The following MCAT variants were observed in gnomAD, a reference collection of about 807,000 sequenced individuals.
MCAT encodes the protein malonyl-CoA-acyl carrier protein transacylase, mitochondrial.
MCAT carries 22 observed loss-of-function variants against 22.9 expected under a neutral mutation model. That is an observed-to-expected ratio of 0.96 (90% CI 0.69 to 1.37). MCAT has a LOEUF of 1.37. Among genes scored for constraint, MCAT ranks in the 40% most tolerant of loss-of-function variants. MCAT has a pLI of 0.00. For missense variants in MCAT, 534 were observed against 533.6 expected (o/e 1.00, Z -0.01); for synonymous variants, 240 against 233.9 (o/e 1.03, Z -0.24).
At position 43,140,504 on chromosome 22, in the gene MCAT, A is replaced by G. The variant is rs137931580; in HGVS notation, c.511+658T>C. ...GCTGGGACTACAGGCGCACACCAAC[A>G]TGCCTGGCTAATTTTTGTATTTTCG... On this transcript the variant is annotated intron_variant, in intron 2 of 3. Coordinates refer to ENST00000290429, the MANE Select transcript of MCAT (RefSeq NM_173467.5). Among the ~76,000 whole-genome samples the G allele has an allele frequency of 2.8e-3, 427 of 152,268 alleles. 5 individuals are homozygous for G. Among genetic ancestry groups the G allele is most frequent in the Non-Finnish European group, 5.0e-3 (340 of 68,014 alleles).
Position 43,133,253 on chromosome 22 carries a change from G to A in MCAT, c.963C>T (p.Val321=), listed in dbSNP as rs749064237. 6.2e-7 allele frequency: 1 copy of A among 1,614,198 alleles called. No individual in the cohort carries two copies. Among genetic ancestry groups the A allele is most frequent in the Admixed American group, 1.7e-5 (1 of 60,026 alleles). ...HIHKLLAQQL[V]SPVKWEQTMH... ...TCGTCTGCTCCCACTTCACTGGGGA[G>A]ACCAGCTGCTGGGCCAGCAGCTTGT... is the stretch of plus-strand genomic sequence containing the variant. The change falls in exon 4 of 4, where the codon GTC becomes GTT. Residue 321 remains valine, a synonymous_variant. Coordinates refer to ENST00000290429, the MANE Select transcript of MCAT (RefSeq NM_173467.5).
chr22:43,141,159 T>C lies in MCAT; in HGVS notation c.511+3A>G. On this transcript the variant is annotated splice_donor_region_variant and intron_variant, in intron 2 of 3. Transcript: ENST00000290429. ...TTGCATAAAACCAAACTCCTTCCTG[T>C]ACCTTCAGCAAATTCCATGGCTCCG... The C allele has an allele frequency of 6.2e-7, 1 of 1,613,984 alleles. No homozygotes were observed. The highest frequency in any genetic ancestry group is 2.2e-5 in the East Asian group (1 of 44,884).
At position 43,133,140 on chromosome 22, in the gene MCAT, T is replaced by C. The variant is rs1383782085; in HGVS notation, c.1076A>G (p.Lys359Arg). The C allele has an allele frequency of 1.2e-6, 2 of 1,613,564 alleles. No homozygotes were observed. The highest frequency in any genetic ancestry group is 1.7e-6 in the Non-Finnish European group (2 of 1,179,618). The change falls in exon 4 of 4, where the codon AAG becomes AGG. Residue 359 changes from lysine (K) to arginine (R), a missense_variant. Physicochemically the swap from Lys to Arg is conservative, Grantham distance 26. Coordinates refer to ENST00000290429, the MANE Select transcript of MCAT (RefSeq NM_173467.5). ...CTTCCAGGCCTGCATGTTACAGCTC[T>C]TCAGGATGGCTCCCAGCTGCCTGCC... The part of the protein sequence containing the change: ...GPGRQLGAIL[K>R]SCNMQAWKSY...
intron 3 of MCAT, 106 bp downstream of exon 3, chr22:43,136,975 C>T (rs924440186): frequency 1.3e-5 from 12 of 939,218 alleles, no homozygotes; most frequent in Admixed American, 1.9e-5. Context: ...TCCTAAAGAC[C>T]GGGCTGGACC....
Position 43,143,260 on chromosome 22 carries a change from G to A in MCAT, c.89C>T (p.Pro30Leu), listed in dbSNP as rs1365584648. 2.1e-6 allele frequency: 3 copies of A among 1,447,504 alleles called. No homozygotes were observed. Among genetic ancestry groups the A allele is most frequent in the Admixed American group, 5.7e-5 (2 of 35,356 alleles). 89.7% of individuals were successfully genotyped at this position (1,447,504 alleles called of 1,614,324 possible). Residue 30 changes from proline to leucine, a missense_variant, in exon 1 of 4, where the codon CCG becomes CTG. Transcript: ENST00000290429. ...CAGCTCCGCTACACCCTGGGCGCCC[G>A]GCGGAGGCACCGGGAAGCTCGAGGC... is the stretch of plus-strand genomic sequence containing the variant. ...RGASSFPVPP[P>L]GAQGVAELLR...
rs1416575182 is a variant in MCAT, at chr22:43,143,154, C to G, written c.195G>C (p.Leu65=). 2 of 1,580,924 alleles carry G rather than the reference C, an allele frequency of 1.3e-6. No individual in the cohort carries two copies. The highest frequency in any genetic ancestry group is 3.5e-5 in the Admixed American group (2 of 57,466). Residue 65 remains leucine, a synonymous_variant, in exon 1 of 4, where the codon CTG becomes CTC. Coordinates refer to ENST00000290429, the MANE Select transcript of MCAT (RefSeq NM_173467.5). The part of the protein sequence containing the change: ...ERRMPGQCSV[L]LFPGQGSQVV... ...CCTGGCTGCCCTGGCCCGGGAAGAG[C>G]AGCACGGAGCACTGGCCCGGCATTC...
At chr22:43,141,362 G>A (rs567660017) in intron 1 of MCAT, 113 bp from the exon 2 acceptor site, 10 of 830,582 alleles carry the variant, frequency 1.2e-5, no homozygotes, top group Admixed American at 9.7e-5. Flanking sequence ...CAGGTTCTAC[G>A]AACTTGGTGC....
chr22:43,142,509 G>A (rs1202810025), intron 1 of MCAT, among the ~76,000 whole-genome samples: 1 of 148,454 alleles, frequency 6.7e-6, no homozygotes, highest in African/African-American at 2.5e-5. Flanking sequence ...AAAACGGGCC[G>A]GGCACGGTGG....
chr22:43,141,082 A>G, intron 2 of MCAT, 80 bp downstream of exon 2: 1 of 1,078,454 alleles, frequency 9.3e-7, no homozygotes, highest in Non-Finnish European at 1.4e-6. Context: ...GAGTGGGTCC[A>G]GTATCATTTT....
At chr22:43,139,404 T>C (rs551061199) in intron 2 of MCAT, among the ~76,000 whole-genome samples, 70 of 152,140 alleles carry the variant, frequency 4.6e-4, no homozygotes, top group African/African-American at 1.6e-3. Context: ...TGTGAGCCTG[T>C]AGTCCCAGTT....
In MCAT at chr22:43,136,963, C is replaced by G. The variant is rs751527177; in HGVS notation, c.729+118G>C. ...ACCTCACTGCCCTGGCCCCAAAATACTTCCTAAAGACCGGGCTGGACCCAG... is the reference window on the plus strand; with the variant it reads ...ACCTCACTGCCCTGGCCCCAAAATAGTTCCTAAAGACCGGGCTGGACCCAG... On this transcript the variant is annotated intron_variant, in intron 3 of 3. Transcript: ENST00000290429. The G allele has an allele frequency of 1.9e-4, 161 of 856,630 alleles. No individual in the cohort carries two copies. In the Middle Eastern group the frequency reaches 2.2e-3, roughly 12 times the overall value. 53.1% of individuals were successfully genotyped at this position (856,630 alleles called of 1,614,324 possible). A position where few individuals can be genotyped will look rare whatever the true frequency, so the allele number is the denominator to read the frequency against.
chr22:43,134,103 A>G (rs1209380238), intron 3 of MCAT, among the ~76,000 whole-genome samples: 1 of 152,138 alleles, frequency 6.6e-6, no homozygotes, highest in East Asian at 1.9e-4. Context: ...ATAATTTTTG[A>G]CCAGTCTGTT....
intron 2 of MCAT, among the ~76,000 whole-genome samples, chr22:43,139,916 A>G (rs1569473623): frequency 6.6e-6 from 1 of 152,216 alleles, no homozygotes; most frequent in Non-Finnish European, 1.5e-5. Flanking sequence ...AAAATGATAC[A>G]TGTAATAAAA....
chr22:43,133,018 G>A lies in MCAT; in HGVS notation c.*25C>T. ...GCCTCTCCTCAGGAGGACAGAGGGGGTCATCGCATTTGAGCCCCCTGCAGT... is the reference window on the plus strand; with the variant it reads ...GCCTCTCCTCAGGAGGACAGAGGGGATCATCGCATTTGAGCCCCCTGCAGT... On this transcript the variant is annotated 3_prime_UTR_variant, in exon 4 of 4. Transcript: ENST00000290429. 6.2e-7 allele frequency: 1 copy of A among 1,603,384 alleles called. No homozygotes were observed. The highest frequency in any genetic ancestry group is 8.5e-7 in the Non-Finnish European group (1 of 1,172,534).
rs1174594186 is a variant in MCAT at position 43,135,504 on chromosome 22, AAAAAAC to A, written c.729+1571_729+1576del. On this transcript the variant is annotated intron_variant, in intron 3 of 3. Transcript: ENST00000290429. ...GGATGACAGAGTAAGACATTGTCTC[AAAAAAC>A]AAAAAAAAAAAAAAAAAAAATCAAA... is the stretch of plus-strand genomic sequence containing the variant. 5.1e-3 allele frequency among the ~76,000 whole-genome samples: 344 copies of A among 67,132 alleles called. 4 individuals carry two copies. The highest frequency in any genetic ancestry group is 0.017 in the African/African-American group (331 of 19,164). 44.0% of individuals were successfully genotyped at this position (67,132 alleles called of 152,430 possible). A position where few individuals can be genotyped will look rare whatever the true frequency, so the allele number is the denominator to read the frequency against.
rs766820321 is a variant in MCAT, at chr22:43,133,399, GGC to G, written c.815_816del (p.Arg272ProfsTer19). 3.0e-5 allele frequency: 48 copies of G among 1,614,060 alleles called. No homozygotes were observed. Among genetic ancestry groups the G allele is most frequent in the Non-Finnish European group, 4.1e-5 (48 of 1,180,054 alleles). ...MLPVSGAFHT[R>X]LMEPAVEPLT... ...AGGGGCTCCACGGCTGGCTCCATGAGGCGGGTGTGGAATGCGCCACTAACCGG... is the reference window on the plus strand; with the variant it reads ...AGGGGCTCCACGGCTGGCTCCATGAGGGGTGTGGAATGCGCCACTAACCGG... On this transcript the variant is annotated frameshift_variant, in exon 4 of 4. Coordinates refer to ENST00000290429, the MANE Select transcript of MCAT (RefSeq NM_173467.5). LOFTEE classifies it low-confidence loss of function (END_TRUNC).
chr22:43,141,333 G>T, intron 1 of MCAT, 84 bp from the exon 2 acceptor site: 2 of 1,168,470 alleles, frequency 1.7e-6, no homozygotes, highest in Non-Finnish European at 1.3e-6. Flanking sequence ...CTGGCGGGGT[G>T]TTCAGCATCT....
At chr22:43,142,822 T>C (rs925750824) in intron 1 of MCAT, 104 bp downstream of exon 1, 101 of 1,192,938 alleles carry the variant, frequency 8.5e-5, no homozygotes, top group Middle Eastern at 2.2e-4. Flanking sequence ...ATCGAATGAG[T>C]AAGACGTGGG....
chr22:43,134,128 T>C (rs1486226236), intron 3 of MCAT, among the ~76,000 whole-genome samples: 6 of 152,202 alleles, frequency 3.9e-5, no homozygotes, highest in South Asian at 4.1e-4. Flanking sequence ...TTTTATTCCA[T>C]AATCTTCAAA....
Sources: gnomAD v4.1 joint callset for allele counts (sites outside exome capture counted in the v4.1 genomes callset) on GRCh38, gnomAD v4.1.1 for gene constraint, MANE v1.5 for transcripts, NCBI Gene and HGNC (gene_info 2026-07-23, HGNC 2026-07-21) for gene names.